Variants in CFDP1 observed in about 807,000 individuals in gnomAD.
CFDP1 encodes the protein heterochromatin-stabilizing protein CFDP1.
CFDP1 carries 31 observed loss-of-function variants against 40.1 expected under a neutral mutation model. That is an observed-to-expected ratio of 0.77 (90% confidence interval 0.58 to 1.04). CFDP1 has a LOEUF of 1.04. Ranked by LOEUF, CFDP1 falls within the 50% of genes least tolerant of loss-of-function variation. The probability of loss-of-function intolerance (pLI) is 0.00; values close to 1 mark genes in which losing one functional copy is unlikely to be tolerated. For missense variants in CFDP1, 423 were observed against 343.4 expected (o/e 1.23, Z -1.83); for synonymous variants, 167 against 120.0 (o/e 1.39, Z -2.56).
intron 5 of CFDP1, among the ~76,000 whole-genome samples, chr16:75,368,463 T>G (rs8044442): frequency 0.066 from 10,077 of 152,222 alleles, 363 homozygotes; most frequent in Middle Eastern, 0.12. Flanking sequence ...ATGGAGAGAT[T>G]CATTATGCTA....
rs199993476 is a variant in CFDP1, at chr16:75,426,070, G to GT, written c.64+7218_64+7219insA. Among the ~76,000 whole-genome samples, 296 of 136,134 alleles carry GT rather than the reference G, an allele frequency of 2.2e-3. 2 individuals carry two copies. Among genetic ancestry groups the GT allele is most frequent in the African/African-American group, 8.1e-3 (290 of 35,812 alleles). The allele number at this position is 136,134 out of a possible 152,430, so 89.3% of individuals were successfully genotyped here. On this transcript the variant is annotated intron_variant, in intron 1 of 6. Transcript: ENST00000283882. ...AAAAAAAAAAAAAAAAAAAGTAAAG[G>GT]CCAGGCACTGTGGCTTATGCCTATA...
At chr16:75,335,308 T>G (rs1379258521) in intron 5 of CFDP1, among the ~76,000 whole-genome samples, 1 of 152,198 alleles carries the variant, frequency 6.6e-6, no homozygotes, top group Non-Finnish European at 1.5e-5. Context: ...AAAAATAACT[T>G]AAACCTTTAT....
intron 5 of CFDP1, among the ~76,000 whole-genome samples, chr16:75,319,301 CA>C (rs2078346334): frequency 6.6e-6 from 1 of 152,106 alleles, no homozygotes; most frequent in South Asian, 2.1e-4. Flanking sequence ...CTCGGCCTCC[CA>C]AAGTGCTGGG....
chr16:75,397,828 TAAAA>T (rs1257475823), intron 4 of CFDP1, among the ~76,000 whole-genome samples: 1 of 151,790 alleles, frequency 6.6e-6, no homozygotes, highest in Non-Finnish European at 1.5e-5. Flanking sequence ...TAAATAAAAA[TAAAA>T]GAACAAAACA....
At chr16:75,361,456 A>C (rs2078678784) in intron 5 of CFDP1, among the ~76,000 whole-genome samples, 1 of 152,078 alleles carries the variant, frequency 6.6e-6, no homozygotes, top group Non-Finnish European at 1.5e-5. Context: ...ACGTACACTA[A>C]AAATACAATA....
intron 5 of CFDP1, among the ~76,000 whole-genome samples, chr16:75,310,370 C>T (rs2078287534): frequency 6.6e-6 from 1 of 152,120 alleles, no homozygotes. Context: ...CAAACCAAGA[C>T]CTATCATAAC....
Position 75,396,000 on chromosome 16 carries a change from T to G in CFDP1, c.531-791A>C, listed in dbSNP as rs925253280. Among the ~76,000 whole-genome samples, 4 of 104,986 alleles carry G rather than the reference T, an allele frequency of 3.8e-5. 1 individual carries two copies. The Admixed American group carries it at 4.9e-4, about 13-fold the overall frequency. 68.9% of individuals were successfully genotyped at this position (104,986 alleles called of 152,430 possible). A position where few individuals can be genotyped will look rare whatever the true frequency, so the allele number is the denominator to read the frequency against. On this transcript the variant is annotated intron_variant, in intron 4 of 6. Transcript: ENST00000283882. ...AAACACCTGAGGAATGTTGTTTAAA[T>G]GCAGTCCATCTCCCCTCCATGACTT...
intron 2 of CFDP1, among the ~76,000 whole-genome samples, chr16:75,413,991 G>C (rs1158939494): frequency 6.6e-6 from 1 of 151,978 alleles, no homozygotes; most frequent in South Asian, 2.1e-4. Context: ...TTGTATACAT[G>C]TATACAAAGA....
rs1243167108 is a variant in CFDP1, at chr16:75,411,830, T to G, written c.525A>C (p.Glu175Asp). ...ITKVFDFAGE[E>D]VRVTKEVDAT... Reference sequence around the variant, plus strand: ...GTTTTTGAAGGTTCTCTTACCTTACTTCTTCACCAGCAAAATCAAACACCT... The same window carrying G: ...GTTTTTGAAGGTTCTCTTACCTTACGTCTTCACCAGCAAAATCAAACACCT... Residue 175 changes from glutamate to aspartate, a missense_variant, in exon 4 of 7, where the codon GAA becomes GAC. Coordinates refer to ENST00000283882, the MANE Select transcript of CFDP1 (RefSeq NM_006324.3). The G allele has an allele frequency of 3.1e-6, 5 of 1,608,936 alleles. No individual in the cohort carries two copies. The East Asian group carries it at 1.1e-4, about 36-fold the overall frequency.
At chr16:75,345,003 T>C (rs1026082283) in intron 5 of CFDP1, among the ~76,000 whole-genome samples, 1 of 151,946 alleles carries the variant, frequency 6.6e-6, no homozygotes, top group Non-Finnish European at 1.5e-5. Context: ...GTGTCTGTAA[T>C]CACAGCACCT....
At chr16:75,393,505 G>A (rs966167359) in intron 5 of CFDP1, among the ~76,000 whole-genome samples, 8 of 151,664 alleles carry the variant, frequency 5.3e-5, no homozygotes, top group East Asian at 1.9e-4. Flanking sequence ...GGGGCCGGGG[G>A]TGGATCATGA....
At chr16:75,334,709 C>CT (rs1474681120) in intron 5 of CFDP1, among the ~76,000 whole-genome samples, 1 of 152,086 alleles carries the variant, frequency 6.6e-6, no homozygotes, top group Non-Finnish European at 1.5e-5. Flanking sequence ...AATTGCAGCA[C>CT]TTTGGGAGGC....
intron 5 of CFDP1, among the ~76,000 whole-genome samples, chr16:75,351,077 T>A (rs1226285836): frequency 6.6e-6 from 1 of 152,218 alleles, no homozygotes; most frequent in Admixed American, 6.5e-5. Context: ...TAGGTCAATG[T>A]ATGTATTGTG....
chr16:75,358,578 G>A (rs1200058027), intron 5 of CFDP1, among the ~76,000 whole-genome samples: 4 of 152,016 alleles, frequency 2.6e-5, no homozygotes, highest in Admixed American at 2.6e-4. Context: ...GAGTCTCCAG[G>A]AAGAGCATTT....
chr16:75,427,764 C>A (rs2079357878), intron 1 of CFDP1, among the ~76,000 whole-genome samples: 1 of 152,142 alleles, frequency 6.6e-6, no homozygotes, highest in Non-Finnish European at 1.5e-5. Flanking sequence ...GAAATGAAAA[C>A]CCATGTTCAC....
chr16:75,338,047 A>G (rs948135984), intron 5 of CFDP1, among the ~76,000 whole-genome samples: 13 of 152,160 alleles, frequency 8.5e-5, no homozygotes, highest in South Asian at 2.1e-4. Context: ...CTCATACCCA[A>G]TGAAACTGCT....
chr16:75,344,433 G>A (rs1342853953), intron 5 of CFDP1, among the ~76,000 whole-genome samples: 3 of 152,148 alleles, frequency 2.0e-5, no homozygotes, highest in Non-Finnish European at 4.4e-5. Flanking sequence ...TGGGACTTAT[G>A]CCATTAGAAA....
rs1050442632 is a variant in CFDP1, at chr16:75,349,874, C to A, written c.651-44692G>T. Among the ~76,000 whole-genome samples the A allele has an allele frequency of 5.9e-4, 89 of 151,168 alleles. 6 individuals are homozygous for A. The highest frequency in any genetic ancestry group is 7.4e-5 in the Non-Finnish European group (5 of 67,892). Reference sequence around the variant, plus strand: ...TCTCCAATTTGGATGCCTCTTGTTTCATTTTCTTGTCTAACTGCCCTGGCT... The same window carrying A: ...TCTCCAATTTGGATGCCTCTTGTTTAATTTTCTTGTCTAACTGCCCTGGCT... On this transcript the variant is annotated intron_variant, in intron 5 of 6. Transcript: ENST00000283882.
chr16:75,412,895 G>A (rs2079175313), intron 2 of CFDP1, 141 bp from the exon 3 acceptor site: 6 of 495,532 alleles, frequency 1.2e-5, no homozygotes, highest in Non-Finnish European at 1.4e-5. Context: ...GAAGTGAGTA[G>A]AAGAGTTAAG....
Sources: gnomAD v4.1 joint callset for allele counts (sites outside exome capture counted in the v4.1 genomes callset) on GRCh38, gnomAD v4.1.1 for gene constraint, MANE v1.5 for transcripts, NCBI Gene and HGNC (gene_info 2026-07-23, HGNC 2026-07-21) for gene names.